The following CIB1 variants were observed in gnomAD, a reference collection of about 807,000 sequenced individuals.
CIB1 encodes calcium and integrin-binding protein 1.
CIB1 carries 19 observed loss-of-function variants against 25.0 expected under a neutral mutation model. The observed-to-expected ratio is 0.76, with a 90% CI of 0.53 to 1.12. CIB1 has a LOEUF of 1.12. Ranked by LOEUF, CIB1 falls within the 50% of genes most tolerant of loss-of-function variation. The pLI is 0.00. For synonymous variants in CIB1, 104 were observed against 98.5 expected (o/e 1.06, Z -0.33); for missense variants, 236 against 242.6 (o/e 0.97, Z 0.18).
the CIB1 span, chr15:90,250,474 C>A: frequency 2.4e-6 from 2 of 828,558 alleles, no homozygotes; most frequent in Non-Finnish European, 3.7e-6. Context: ...TCCCATTCCT[C>A]AGTGAAACAG....
chr15:90,262,384 C>A, the CIB1 span: 1 of 1,266,994 alleles, frequency 7.9e-7, no homozygotes, highest in Non-Finnish European at 1.1e-6. Flanking sequence ...TCGCATCAGT[C>A]CTAAGAACAG....
the CIB1 span, chr15:90,241,245 A>G: frequency 6.2e-7 from 1 of 1,614,130 alleles, no homozygotes; most frequent in Non-Finnish European, 8.5e-7. Context: ...GCAGACCATC[A>G]AGAGTGTGAG....
the CIB1 span, chr15:90,250,509 T>C: frequency 4.7e-6 from 6 of 1,277,674 alleles, no homozygotes; most frequent in African/African-American, 9.0e-5. Context: ...GGCAGCAACT[T>C]TCCCTTATAA....
At chr15:90,244,975 TG>T in the CIB1 span, 2 of 152,166 alleles carry the variant, frequency 1.3e-5, no homozygotes, top group Non-Finnish European at 2.9e-5. Flanking sequence ...GCTGTCTGAG[TG>T]GGCTCACCCA....
the CIB1 span, chr15:90,256,081 G>A: frequency 6.3e-7 from 1 of 1,592,892 alleles, no homozygotes; most frequent in Non-Finnish European, 8.6e-7. Flanking sequence ...AGAGCTCCAT[G>A]CGGCCCCGGG....
At chr15:90,250,696 G>A in the CIB1 span, 1 of 1,614,148 alleles carries the variant, frequency 6.2e-7, no homozygotes, top group Non-Finnish European at 8.5e-7. Flanking sequence ...AGGAATCTGA[G>A]AAGTGTGTTA....
chr15:90,262,392 C>T, the CIB1 span: 1 of 1,305,068 alleles, frequency 7.7e-7, no homozygotes, highest in Non-Finnish European at 1.0e-6. Flanking sequence ...GTCCTAAGAA[C>T]AGATTGTAAT....
At chr15:90,258,455 G>A in the CIB1 span, 1 of 649,432 alleles carries the variant, frequency 1.5e-6, no homozygotes, top group Non-Finnish European at 2.6e-6. Flanking sequence ...AAATCTTGGT[G>A]GTTTTTGGCC....
the CIB1 span, chr15:90,240,793 GAC>G: frequency 1.4e-6 from 1 of 701,572 alleles, no homozygotes; most frequent in Non-Finnish European, 2.3e-6. Context: ...CAGCCTGGGT[GAC>G]AGAGTGAGAC....
the CIB1 span, among the ~76,000 whole-genome samples, chr15:90,261,380 C>A: frequency 5.0e-5 from 7 of 141,398 alleles, no homozygotes; most frequent in African/African-American, 1.8e-4. Context: ...TGCCCGGCCA[C>A]TTTTTTTTTT....
upstream of CIB1, chr15:90,234,048 G>T: frequency 3.7e-6 from 3 of 805,124 alleles, no homozygotes; most frequent in Non-Finnish European, 5.5e-6. Context: ...GTTCCCAGCC[G>T]GGTTTGGCAG....
chr15:90,257,922 C>T, the CIB1 span: 1 of 1,065,870 alleles, frequency 9.4e-7, no homozygotes, highest in East Asian at 2.5e-5. Flanking sequence ...CTCCAAACTG[C>T]TAGCAGCCCT....
chr15:90,246,148 C>G, the CIB1 span, among the ~76,000 whole-genome samples: 4 of 152,186 alleles, frequency 2.6e-5, no homozygotes, highest in Non-Finnish European at 5.9e-5. Flanking sequence ...TGGCATGCGC[C>G]TGTAATCCTA....
chr15:90,257,483 C>G, the CIB1 span, among the ~76,000 whole-genome samples: 1 of 152,162 alleles, frequency 6.6e-6, no homozygotes, highest in East Asian at 1.9e-4. Flanking sequence ...AGCACACACT[C>G]TTCCCCAGGA....
the CIB1 span, chr15:90,262,844 G>A: frequency 3.9e-6 from 5 of 1,285,316 alleles, no homozygotes. Flanking sequence ...GACAGCAAAA[G>A]GAACCTTCCT....
chr15:90,257,837 T>G, the CIB1 span: 1 of 1,097,936 alleles, frequency 9.1e-7, no homozygotes, highest in Non-Finnish European at 1.3e-6. Flanking sequence ...ACTCAGCCTT[T>G]ATAGACCCTG....
the CIB1 span, chr15:90,265,708 T>C: frequency 2.5e-6 from 4 of 1,613,158 alleles, no homozygotes; most frequent in East Asian, 2.2e-5. Context: ...CTGGTTTGCG[T>C]CGACATGGCG....
the CIB1 span, chr15:90,255,864 G>T: frequency 6.2e-7 from 1 of 1,614,128 alleles, no homozygotes; most frequent in South Asian, 1.1e-5. Context: ...ATCTTCCCCC[G>T]CACCTGGTGC....
chr15:90,231,789 C>T (rs1962499612), intron 3 of CIB1, among the ~76,000 whole-genome samples: 1 of 152,204 alleles, frequency 6.6e-6, no homozygotes, highest in Non-Finnish European at 1.5e-5. Flanking sequence ...AGAAGTCATC[C>T]TAAACAAAGG....
Sources: allele counts gnomAD v4.1 joint callset (sites outside exome capture counted in the v4.1 genomes callset), GRCh38; gene constraint gnomAD v4.1.1; transcripts MANE v1.5; gene names NCBI Gene and HGNC (gene_info 2026-07-23, HGNC 2026-07-21).